Variants in EWSR1 observed in about 807,000 individuals in gnomAD.
EWSR1 encodes RNA-binding protein EWS.
A neutral mutation model predicts 92.1 loss-of-function variants in EWSR1; 14 were observed. The ratio of observed to expected loss-of-function variants is 0.15; its 90% CI spans 0.10 to 0.24. The LOEUF is 0.24. Among genes scored for constraint, EWSR1 ranks in the 10% least tolerant of loss-of-function variants. The pLI, the probability that EWSR1 is intolerant of heterozygous loss-of-function variation, is 1.00. For missense variants in EWSR1, 637 were observed against 870.9 expected, an observed-to-expected ratio of 0.73 and a Z score of 3.38; for synonymous variants, 303 against 292.9, an observed-to-expected ratio of 1.03 and a Z score of -0.35.
intron 13 of EWSR1, among the ~76,000 whole-genome samples, chr22:29,298,507 CA>C (rs35896020): frequency 0.016 from 1,679 of 107,196 alleles, 18 homozygotes; most frequent in African/African-American, 0.043. Context: ...ACTCCGTCTC[CA>C]AAAAAAAAAA....
At chr22:29,272,315 C>A in intron 2 of EWSR1, 63 bp downstream of exon 2, 1 of 1,610,470 alleles carries the variant, frequency 6.2e-7, no homozygotes, top group East Asian at 2.2e-5. Context: ...ATGGAGCCTT[C>A]TATAATTGTA....
At chr22:29,294,846 G>C (rs1478702262) in intron 11 of EWSR1, among the ~76,000 whole-genome samples, 1 of 151,404 alleles carries the variant, frequency 6.6e-6, no homozygotes. Flanking sequence ...CCAGGATGCA[G>C]AGGTTGCAGT....
rs886109956 is a variant in EWSR1 at position 29,298,729 on chromosome 22, G to A, written c.1418-4G>A. On this transcript the variant is annotated splice_polypyrimidine_tract_variant and splice_region_variant and intron_variant, in intron 13 of 16. Transcript: ENST00000397938. ...TTTGCTGTTTCTTGTTGTTCTTGTTGTAGGTCCAGGAGGCCCAGGAGGTCC... is the reference window on the plus strand; with the variant it reads ...TTTGCTGTTTCTTGTTGTTCTTGTTATAGGTCCAGGAGGCCCAGGAGGTCC... 24 of 1,613,020 alleles carry A rather than the reference G, an allele frequency of 1.5e-5. No homozygotes were observed. The East Asian group carries it at 5.1e-4, about 34-fold the overall frequency.
At chr22:29,280,639 A>G (rs901707824) in intron 5 of EWSR1, among the ~76,000 whole-genome samples, 3 of 149,372 alleles carry the variant, frequency 2.0e-5, no homozygotes, top group Non-Finnish European at 4.4e-5. Context: ...AGTTTAGGAA[A>G]TGATTTTTTT....
intron 7 of EWSR1, 70 bp from the exon 8 acceptor site, chr22:29,288,536 C>A: frequency 6.9e-7 from 1 of 1,452,662 alleles, no homozygotes; most frequent in South Asian, 1.4e-5. Context: ...TTTTGTGATT[C>A]CAGGAGAAAG....
chr22:29,297,779 G>T, intron 12 of EWSR1, 48 bp from the exon 13 acceptor site: 2 of 1,606,220 alleles, frequency 1.2e-6, no homozygotes, highest in South Asian at 2.2e-5. Flanking sequence ...TGGAGTTGGT[G>T]AACAGGGAGT....
intron 6 of EWSR1, among the ~76,000 whole-genome samples, chr22:29,285,252 T>C (rs1377082985): frequency 6.7e-6 from 1 of 149,714 alleles, no homozygotes; most frequent in Admixed American, 6.6e-5. Flanking sequence ...GCCTCTCGAG[T>C]AGCTGGGACT....
intron 6 of EWSR1, among the ~76,000 whole-genome samples, chr22:29,285,027 C>T (rs575307725): frequency 1.3e-5 from 2 of 150,964 alleles, no homozygotes; most frequent in Non-Finnish European, 2.9e-5. Flanking sequence ...CCATGTTGGT[C>T]AGGCTAGTCT....
intron 12 of EWSR1, 94 bp downstream of exon 12, chr22:29,296,462 A>C: frequency 2.0e-6 from 3 of 1,477,706 alleles, no homozygotes; most frequent in Non-Finnish European, 2.8e-6. Context: ...AAGACCTTCC[A>C]TCTCTTCCTG....
chr22:29,280,073 GGGTTGGTT>G (rs550292686), intron 5 of EWSR1, among the ~76,000 whole-genome samples: 4 of 152,040 alleles, frequency 2.6e-5, no homozygotes, highest in Admixed American at 6.5e-5. Context: ...TGGTTTTTCT[GGGTTGGTT>G]GGTTGGTTGG....
intron 1 of EWSR1, 63 bp from the exon 2 acceptor site, chr22:29,272,153 C>G (rs2058730768): frequency 3.4e-6 from 5 of 1,489,670 alleles, no homozygotes; most frequent in Non-Finnish European, 4.7e-6. Context: ...TTCTTTCCCC[C>G]TTTTTTCTCT....
At chr22:29,268,374 C>T in intron 1 of EWSR1, 25 bp downstream of exon 1, 3 of 1,613,962 alleles carry the variant, frequency 1.9e-6, no homozygotes, top group African/African-American at 1.3e-5. Flanking sequence ...ACTGCGGTCG[C>T]GCCGGCGGTA....
intron 11 of EWSR1, among the ~76,000 whole-genome samples, chr22:29,294,954 TA>T (rs2060738097): frequency 6.6e-6 from 1 of 151,944 alleles, no homozygotes; most frequent in Non-Finnish European, 1.5e-5. Flanking sequence ...AAATCTTATA[TA>T]AGGTGATTTC....
intron 11 of EWSR1, among the ~76,000 whole-genome samples, chr22:29,293,876 TTTG>T (rs2060633938): frequency 6.6e-6 from 1 of 151,922 alleles, no homozygotes; most frequent in Non-Finnish European, 1.5e-5. Context: ...CCTGTCTCTA[TTTG>T]TTATTTTATT....
At chr22:29,295,000 A>T (rs2060742612) in intron 11 of EWSR1, among the ~76,000 whole-genome samples, 1 of 151,998 alleles carries the variant, frequency 6.6e-6, no homozygotes, top group African/African-American at 2.4e-5. Context: ...CACAGATATC[A>T]CACACACCTC....
intron 4 of EWSR1, chr22:29,277,024 G>A (rs1266921238): frequency 4.3e-6 from 1 of 230,840 alleles, no homozygotes; most frequent in East Asian, 6.2e-5. Context: ...AGGTACTCTA[G>A]TTAGGAGCTG....
chr22:29,275,863 C>G (rs1205218480), intron 4 of EWSR1: 3 of 231,632 alleles, frequency 1.3e-5, no homozygotes, highest in African/African-American at 6.6e-5. Flanking sequence ...CCACCTTTTT[C>G]CTTCAAGTTG....
At position 29,272,453 on chromosome 22, in the gene EWSR1, T is replaced by C. The variant is rs374252787; in HGVS notation, c.102+22T>C. ...CCAGGTAATCTTTAAAATAATTACATGTAGCTGCACCTCCAAGTAAAATCA... is the reference window on the plus strand; with the variant it reads ...CCAGGTAATCTTTAAAATAATTACACGTAGCTGCACCTCCAAGTAAAATCA... On this transcript the variant is annotated intron_variant, in intron 3 of 16. Coordinates refer to ENST00000397938, the MANE Select transcript of EWSR1 (RefSeq NM_005243.4). 1.3e-5 allele frequency: 21 copies of C among 1,604,522 alleles called. No individual in the cohort carries two copies. The African/African-American group carries it at 2.3e-4, about 17-fold the overall frequency.
chr22:29,285,982 C>T (rs1021070151), intron 6 of EWSR1, among the ~76,000 whole-genome samples: 1 of 151,954 alleles, frequency 6.6e-6, no homozygotes, highest in Non-Finnish European at 1.5e-5. Flanking sequence ...GGACTACAGG[C>T]GCCCACCACC....
Sources: allele counts gnomAD v4.1 joint callset (sites outside exome capture counted in the v4.1 genomes callset), GRCh38; gene constraint gnomAD v4.1.1; transcripts MANE v1.5; gene names NCBI Gene and HGNC (gene_info 2026-07-23, HGNC 2026-07-21).